The following ZNF423 variants were observed in gnomAD, a reference collection of about 807,000 sequenced individuals.
ZNF423 encodes the protein Ebf-associated zinc finger protein.
Under a neutral mutation model 95.8 loss-of-function variants are expected in ZNF423, and 12 were observed. The ratio of observed to expected loss-of-function variants is 0.13; its 90% CI spans 0.08 to 0.20. ZNF423 has a LOEUF of 0.20. Among genes scored for constraint, ZNF423 ranks in the 10% least tolerant of loss-of-function variants. The probability of loss-of-function intolerance (pLI) is 1.00; values close to 1 mark genes in which losing one functional copy is unlikely to be tolerated. For synonymous variants in ZNF423, 749 were observed against 711.9 expected (o/e 1.05, Z -0.83); for missense variants, 1,316 against 1,737.1 (o/e 0.76, Z 4.31).
At chr16:49,582,593 T>A (rs1305962562) in intron 5 of ZNF423, among the ~76,000 whole-genome samples, 1 of 152,194 alleles carries the variant, frequency 6.6e-6, no homozygotes, top group African/African-American at 2.4e-5. Flanking sequence ...CCCATCTGAA[T>A]AATACATGGA....
chr16:49,528,781 T>G (rs1968723669), intron 5 of ZNF423, among the ~76,000 whole-genome samples: 13 of 134,252 alleles, frequency 9.7e-5, no homozygotes, highest in African/African-American at 1.7e-4. Context: ...GCCGGGGAGG[T>G]GGAGAGGGCG....
intron 3 of ZNF423, among the ~76,000 whole-genome samples, chr16:49,701,474 AGAGGGGAGGG>A (rs1303327053): frequency 6.6e-6 from 1 of 150,478 alleles, no homozygotes; most frequent in South Asian, 2.1e-4. Context: ...TGAGAGGAGG[AGAGGGGAGGG>A]GAGGGGAGCA....
chr16:49,789,337 T>TA, intron 2 of ZNF423, 150 bp downstream of exon 2: 1 of 644,618 alleles, frequency 1.6e-6, no homozygotes, highest in South Asian at 2.0e-5. Flanking sequence ...GGAACTGATA[T>TA]AAAAATCGTG....
At chr16:49,708,203 G>T (rs1244142872) in intron 3 of ZNF423, 1 of 152,300 alleles carries the variant, frequency 6.6e-6, no homozygotes, top group Non-Finnish European at 1.5e-5. Context: ...GCATGGAGAT[G>T]GCTCCAAAGA....
intron 7 of ZNF423, among the ~76,000 whole-genome samples, chr16:49,493,800 G>A (rs1967059746): frequency 6.6e-6 from 1 of 152,190 alleles, no homozygotes; most frequent in Non-Finnish European, 1.5e-5. Flanking sequence ...TAGCAGAGAC[G>A]GAGGTGTGGA....
chr16:49,535,289 G>A (rs1969021169), intron 5 of ZNF423, among the ~76,000 whole-genome samples: 1 of 152,178 alleles, frequency 6.6e-6, no homozygotes, highest in Admixed American at 6.5e-5. Flanking sequence ...GGGTGGTTAA[G>A]GAGAACATCA....
rs563570815 is a variant in ZNF423, at chr16:49,573,603, T to C, written c.3602-48109A>G. Among the ~76,000 whole-genome samples, 107 of 152,272 alleles carry C rather than the reference T, an allele frequency of 7.0e-4. 2 individuals carry two copies. In the South Asian group the frequency reaches 9.1e-3, roughly 13 times the overall value. On this transcript the variant is annotated intron_variant, in intron 5 of 7. Transcript: ENST00000563137. ...TCTTCTGGTAAAGCCACCAGTTCCA[T>C]CATCTGGGCCTACCCTGATGACATT... is the stretch of plus-strand genomic sequence containing the variant.
At chr16:49,504,961 G>C (rs533949482) in intron 7 of ZNF423, among the ~76,000 whole-genome samples, 1 of 152,196 alleles carries the variant, frequency 6.6e-6, no homozygotes, top group African/African-American at 2.4e-5. Flanking sequence ...GCTTACAAAT[G>C]CTGCAGGAAG....
At chr16:49,850,207 A>C (rs1597063233) in intron 1 of ZNF423, among the ~76,000 whole-genome samples, 1 of 152,040 alleles carries the variant, frequency 6.6e-6, no homozygotes. Context: ...GCATTTCCTC[A>C]CTCACTTCAC....
At chr16:49,634,346 G>A (rs545803004) in intron 4 of ZNF423, among the ~76,000 whole-genome samples, 7 of 151,962 alleles carry the variant, frequency 4.6e-5, no homozygotes, top group East Asian at 1.9e-4. Context: ...CACAGCACCC[G>A]GCCTCGCTAT....
At chr16:49,779,074 C>T (rs963053173) in intron 2 of ZNF423, among the ~76,000 whole-genome samples, 3 of 152,038 alleles carry the variant, frequency 2.0e-5, no homozygotes, top group African/African-American at 7.2e-5. Context: ...CCTGCACTTC[C>T]CAGGACAAAT....
chr16:49,575,452 G>C (rs1450513925), intron 5 of ZNF423, among the ~76,000 whole-genome samples: 1 of 152,040 alleles, frequency 6.6e-6, no homozygotes, highest in African/African-American at 2.4e-5. Flanking sequence ...GGTTCTTCAG[G>C]CCTCTAACAT....
chr16:49,651,045 G>A (rs1009704462), intron 3 of ZNF423, among the ~76,000 whole-genome samples: 3 of 151,392 alleles, frequency 2.0e-5, no homozygotes, highest in Admixed American at 6.6e-5. Context: ...CTTAGAGACA[G>A]GGTCTCCCTC....
At chr16:49,846,730 C>T (rs969406994) in intron 1 of ZNF423, among the ~76,000 whole-genome samples, 6 of 152,220 alleles carry the variant, frequency 3.9e-5, no homozygotes, top group Non-Finnish European at 8.8e-5. Flanking sequence ...CCTGGGGACC[C>T]TCAGGAGCTG....
At chr16:49,705,627 A>C (rs1416006584) in intron 3 of ZNF423, among the ~76,000 whole-genome samples, 1 of 152,202 alleles carries the variant, frequency 6.6e-6, no homozygotes, top group Admixed American at 6.5e-5. Context: ...GGCTCACTGC[A>C]ACCTCTACCT....
Position 49,623,254 on chromosome 16 carries a change from G to A in ZNF423, c.3601+2916C>T, listed in dbSNP as rs550653291. Among the ~76,000 whole-genome samples the A allele has an allele frequency of 7.9e-5, 12 of 152,332 alleles. No individual in the cohort carries two copies. The East Asian group carries it at 2.3e-3, about 29-fold the overall frequency. Reference sequence around the variant, plus strand: ...CGCTGCAGGGCAGGAATGGGCAAGGGGACCTGTCCAGCCCCCCAGCCAAGG... The same window carrying A: ...CGCTGCAGGGCAGGAATGGGCAAGGAGACCTGTCCAGCCCCCCAGCCAAGG... On this transcript the variant is annotated intron_variant, in intron 5 of 7. Transcript: ENST00000563137.
chr16:49,599,243 C>A (rs1174166098), intron 5 of ZNF423, among the ~76,000 whole-genome samples: 1 of 152,098 alleles, frequency 6.6e-6, no homozygotes, highest in Non-Finnish European at 1.5e-5. Flanking sequence ...TTTCCATGTT[C>A]CAAAGAAAAA....
chr16:49,708,278 C>T (rs1471940930), intron 3 of ZNF423: 1 of 152,080 alleles, frequency 6.6e-6, no homozygotes, highest in African/African-American at 2.4e-5. Flanking sequence ...GATACGACAC[C>T]CACCACTTTT....
At chr16:49,817,761 T>C (rs906361071) in intron 1 of ZNF423, among the ~76,000 whole-genome samples, 6 of 152,214 alleles carry the variant, frequency 3.9e-5, no homozygotes, top group Non-Finnish European at 8.8e-5. Flanking sequence ...TGCACATGCA[T>C]GCTTTGTCCA....
Sources: allele counts gnomAD v4.1 joint callset (sites outside exome capture counted in the v4.1 genomes callset), GRCh38; gene constraint gnomAD v4.1.1; transcripts MANE v1.5; gene names NCBI Gene and HGNC (gene_info 2026-07-23, HGNC 2026-07-21).